Variants in CCDC88C observed in about 807,000 individuals in gnomAD.
CCDC88C encodes the protein coiled-coil and HOOK domain protein 88C.
In CCDC88C, 131 loss-of-function variants were observed where a neutral mutation model predicts 198.8. The ratio of observed to expected loss-of-function variants is 0.66; its 90% CI spans 0.57 to 0.76. CCDC88C has a LOEUF of 0.76. Among genes scored for constraint, CCDC88C ranks in the 30% least tolerant of loss-of-function variants. The probability of loss-of-function intolerance (pLI) is 0.00; values close to 1 mark genes in which losing one functional copy is unlikely to be tolerated. For missense variants in CCDC88C, 2,553 were observed against 2,631.6 expected (o/e 0.97, Z 0.65); for synonymous variants, 1,166 against 1,114.7 (o/e 1.05, Z -0.92).
chr14:91,310,471 G>A (rs906012146), intron 15 of CCDC88C, among the ~76,000 whole-genome samples: 1 of 152,100 alleles, frequency 6.6e-6, no homozygotes, highest in East Asian at 1.9e-4. Flanking sequence ...GAAGTGCAGT[G>A]GTGTGATCAC....
chr14:91,327,878 A>G (rs1892643971), intron 10 of CCDC88C, among the ~76,000 whole-genome samples: 1 of 152,138 alleles, frequency 6.6e-6, no homozygotes, highest in South Asian at 2.1e-4. Flanking sequence ...AGCAACTCCT[A>G]TTCAGCCTTC....
intron 10 of CCDC88C, among the ~76,000 whole-genome samples, chr14:91,329,946 A>G (rs550124160): frequency 6.6e-6 from 1 of 152,358 alleles, no homozygotes; most frequent in South Asian, 2.1e-4. Flanking sequence ...TCTCTGTCAC[A>G]ACTACTCAAC....
At position 91,414,060 on chromosome 14, in the gene CCDC88C, G is replaced by C. The variant is rs183101622; in HGVS notation, c.161+2678C>G. 1.3e-4 allele frequency among the ~76,000 whole-genome samples: 20 copies of C among 152,324 alleles called. No homozygotes were observed. In the East Asian group the frequency reaches 3.7e-3, roughly 28 times the overall value. On this transcript the variant is annotated intron_variant, in intron 2 of 29. Coordinates refer to ENST00000389857, the MANE Select transcript of CCDC88C (RefSeq NM_001080414.4). Reference sequence around the variant, plus strand: ...ATGCGGGGCTAGGACTTGGGTCCCAGGGTCCAATGTTGCCCTAGACCTCAT... The same window carrying C: ...ATGCGGGGCTAGGACTTGGGTCCCACGGTCCAATGTTGCCCTAGACCTCAT...
intron 20 of CCDC88C, 100 bp downstream of exon 20, chr14:91,303,601 G>C: frequency 8.1e-7 from 1 of 1,235,008 alleles, no homozygotes; most frequent in Non-Finnish European, 1.1e-6. Context: ...CTCTCCCCTA[G>C]GTCCCACCCA....
Position 91,325,902 on chromosome 14 carries a change from T to A in CCDC88C, c.1197+8A>T, listed in dbSNP as rs1384118096. On this transcript the variant is annotated splice_region_variant and intron_variant, in intron 11 of 29. Transcript: ENST00000389857. This position sits in a 1 kb window ranked among gnomAD's most constrained non-coding sequence, Gnocchi z 4.1. ...TTTTCAATGTAGTAACAACACAGCC[T>A]GCAGTACCAATTCCAGGTCGTGAAG... The A allele has an allele frequency of 6.4e-7, 1 of 1,551,096 alleles. No homozygotes were observed. Among genetic ancestry groups the A allele is most frequent in the Admixed American group, 2.0e-5 (1 of 50,974 alleles).
At chr14:91,328,223 T>C (rs1892659373) in intron 10 of CCDC88C, among the ~76,000 whole-genome samples, 1 of 152,228 alleles carries the variant, frequency 6.6e-6, no homozygotes, top group Non-Finnish European at 1.5e-5. Context: ...AGAAGATTTC[T>C]AACTGCTACT....
In CCDC88C at chr14:91,273,545, T is replaced by C. The variant is rs1889834372; in HGVS notation, c.5167A>G (p.Lys1723Glu). 2.0e-6 allele frequency: 3 copies of C among 1,512,154 alleles called. No individual in the cohort carries two copies. The highest frequency in any genetic ancestry group is 4.5e-5 in the Admixed American group (2 of 44,568). 93.7% of individuals were successfully genotyped at this position (1,512,154 alleles called of 1,614,324 possible). The change falls in exon 30 of 30, where the codon AAG becomes GAG. Residue 1723 changes from lysine (K) to glutamate (E), a missense_variant. Physicochemically the swap from Lys to Glu is moderately conservative, Grantham distance 56. Around this residue, in one of 2 missense-constraint regions of CCDC88C, gnomAD observed 1,293 missense variants for 1,219.6 expected, o/e 1.06. Transcript: ENST00000389857. The surrounding 1 kb of genome is among the most constrained non-coding windows in gnomAD (Gnocchi z 5.6). ...GGGGCCACAAAGTTGGTGGGCATCT[T>C]GGCCCCTTCTTTCTTGGCAGGTGGT... Reference protein sequence around the residue: ...PGPPAKKEGAKMPTNFVAPTV... With the variant: ...PGPPAKKEGAEMPTNFVAPTV...
At chr14:91,296,211 T>C (rs1273457911) in intron 22 of CCDC88C, among the ~76,000 whole-genome samples, 3 of 152,192 alleles carry the variant, frequency 2.0e-5, no homozygotes, top group African/African-American at 7.2e-5. Context: ...AAAGCCACCA[T>C]CCTGGCCACA....
At position 91,380,935 on chromosome 14, in the gene CCDC88C, G is replaced by A. The variant is rs1011235049; in HGVS notation, c.271-21224C>T. 6.6e-5 allele frequency among the ~76,000 whole-genome samples: 10 copies of A among 152,318 alleles called. No individual in the cohort carries two copies. The East Asian group carries it at 1.2e-3, about 18-fold the overall frequency. ...AATGGGAACTTGGAAGGCTGACAAC[G>A]TGGCCCACCAATCCGGTAAGGGTGT... On this transcript the variant is annotated intron_variant, in intron 3 of 29. Coordinates refer to ENST00000389857, the MANE Select transcript of CCDC88C (RefSeq NM_001080414.4).
Position 91,313,369 on chromosome 14 carries a change from G to A in CCDC88C, c.2447C>T (p.Ala816Val). ...LRLANAQLEG[A>V]EKDRKALEQE... Reference sequence around the variant, plus strand: ...CTCCAGGGCCTTCCTGTCCTTCTCGGCCCCCTCCAACTGTGCATTGGCCAG... The same window carrying A: ...CTCCAGGGCCTTCCTGTCCTTCTCGACCCCCTCCAACTGTGCATTGGCCAG... Residue 816 changes from alanine to valine, a missense_variant, in exon 15 of 30, where the codon GCC becomes GTC. Physicochemically the swap from Ala to Val is moderately conservative, Grantham distance 64. Transcript: ENST00000389857. This position sits in a 1 kb window ranked among gnomAD's most constrained non-coding sequence, Gnocchi z 5.2. 6.2e-7 allele frequency: 1 copy of A among 1,610,316 alleles called. No homozygotes were observed.
At chr14:91,398,293 G>A (rs966003114) in intron 3 of CCDC88C, among the ~76,000 whole-genome samples, 7 of 152,202 alleles carry the variant, frequency 4.6e-5, no homozygotes, top group South Asian at 2.1e-4. Context: ...AGGTTTGGGC[G>A]TTCAGCACAC....
chr14:91,339,078 C>A lies in CCDC88C; in HGVS notation c.809+200G>T. 1 of 677,658 alleles carries A rather than the reference C, an allele frequency of 1.5e-6. No homozygotes were observed. 42.0% of individuals were successfully genotyped at this position (677,658 alleles called of 1,614,324 possible). A position where few individuals can be genotyped will look rare whatever the true frequency, so the allele number is the denominator to read the frequency against. ...GGAAACCCTGAAGACCGGGAAGAAT[C>A]CCCGCCCCCATCCCTGTGCAGGCCT... On this transcript the variant is annotated intron_variant, in intron 8 of 29. Coordinates refer to ENST00000389857, the MANE Select transcript of CCDC88C (RefSeq NM_001080414.4). The surrounding 1 kb of genome is among the most constrained non-coding windows in gnomAD (Gnocchi z 5.8).
intron 3 of CCDC88C, among the ~76,000 whole-genome samples, chr14:91,396,190 C>T (rs554753431): frequency 2.6e-5 from 4 of 152,298 alleles, no homozygotes; most frequent in East Asian, 1.9e-4. Flanking sequence ...AGGTGAGCCA[C>T]GCAGCCGGCT....
chr14:91,368,442 G>C (rs1204109549), intron 3 of CCDC88C, among the ~76,000 whole-genome samples: 3 of 152,194 alleles, frequency 2.0e-5, no homozygotes, highest in African/African-American at 7.2e-5. Flanking sequence ...GGTAATGCTG[G>C]CTTGAATATA....
Position 91,339,728 on chromosome 14 carries a change from A to T in CCDC88C, c.624+156T>A, listed in dbSNP as rs544556142. 6.6e-6 allele frequency among the ~76,000 whole-genome samples: 1 copy of T among 152,278 alleles called. No individual in the cohort carries two copies. Among genetic ancestry groups the T allele is most frequent in the African/African-American group, 2.4e-5 (1 of 41,562 alleles). On this transcript the variant is annotated intron_variant, in intron 7 of 29. Coordinates refer to ENST00000389857, the MANE Select transcript of CCDC88C (RefSeq NM_001080414.4). The surrounding 1 kb of genome is among the most constrained non-coding windows in gnomAD (Gnocchi z 5.8). ...TCCCACAGGCCCGAGGTGACCATGC[A>T]CTGCAGGGGCCGTAACCAGGGAAAG... is the stretch of plus-strand genomic sequence containing the variant.
chr14:91,308,150 G>A (rs1173617393), intron 17 of CCDC88C, among the ~76,000 whole-genome samples: 1 of 152,222 alleles, frequency 6.6e-6, no homozygotes, highest in Non-Finnish European at 1.5e-5. Flanking sequence ...CCTCCCCGCA[G>A]GCCTGTGGCT....
rs1440740868 is a variant in CCDC88C at position 91,272,896 on chromosome 14, G to C, written c.5816C>G (p.Thr1939Ser). Reference sequence around the variant, plus strand: ...TGAGCGTGGGGGCGCCTTGGGCTTGGTCCTGGCAGCCGGGGCTGCAGCAGG... The same window carrying C: ...TGAGCGTGGGGGCGCCTTGGGCTTGCTCCTGGCAGCCGGGGCTGCAGCAGG... ...FSPAAAPAAR[T>S]KPKAPPRSGE... The change falls in exon 30 of 30, where the codon ACC (threonine) becomes AGC (serine). Residue 1939 changes from threonine to serine, a missense_variant. Coordinates refer to ENST00000389857, the MANE Select transcript of CCDC88C (RefSeq NM_001080414.4). 1.3e-6 allele frequency: 2 copies of C among 1,585,810 alleles called. No homozygotes were observed. Among genetic ancestry groups the C allele is most frequent in the Non-Finnish European group, 1.7e-6 (2 of 1,170,042 alleles).
intron 3 of CCDC88C, among the ~76,000 whole-genome samples, chr14:91,363,809 G>T (rs74084780): frequency 3.3e-5 from 5 of 152,232 alleles, no homozygotes; most frequent in African/African-American, 1.2e-4. Flanking sequence ...GCCCTCCCCC[G>T]CGGGGAATGT....
intron 20 of CCDC88C, among the ~76,000 whole-genome samples, chr14:91,301,050 T>TGTCTC (rs2139774822): frequency 6.6e-6 from 1 of 152,308 alleles, no homozygotes; most frequent in South Asian, 2.1e-4. Flanking sequence ...GAAAAGCACA[T>TGTCTC]TAATCAAGCA....
Sources: allele counts gnomAD v4.1 joint callset (sites outside exome capture counted in the v4.1 genomes callset), GRCh38; gene constraint gnomAD v4.1.1; regional missense constraint gnomAD v4.1.1; non-coding constraint Gnocchi (gnomAD v3.1); transcripts MANE v1.5; gene names NCBI Gene and HGNC (gene_info 2026-07-23, HGNC 2026-07-21).